Variants in FYCO1 observed in about 807,000 individuals in gnomAD.
FYCO1 encodes FYVE and coiled-coil domain-containing protein 1.
A neutral mutation model predicts 165.1 loss-of-function variants in FYCO1; 122 were observed. The observed-to-expected ratio is 0.74, with a 90% confidence interval of 0.64 to 0.86. The LOEUF (loss-of-function observed/expected upper bound fraction) is 0.86, where lower values mean the gene tolerates loss of function less well. FYCO1 is among the 40% of genes least tolerant of loss of function. FYCO1 has a pLI of 0.00. For missense variants in FYCO1, 1,702 were observed against 1,810.3 expected (o/e 0.94, Z 1.09); for synonymous variants, 648 against 742.5 (o/e 0.87, Z 2.07).
intron 14 of FYCO1, among the ~76,000 whole-genome samples, chr3:45,952,552 A>G (rs1280349286): frequency 6.6e-6 from 1 of 152,208 alleles, no homozygotes. Flanking sequence ...GGTTCCTATC[A>G]GTTAGTCCCA....
intron 14 of FYCO1, among the ~76,000 whole-genome samples, chr3:45,941,962 G>T (rs1434875664): frequency 6.6e-6 from 1 of 152,208 alleles, no homozygotes; most frequent in East Asian, 1.9e-4. Flanking sequence ...TGCATATTTG[G>T]CTCAGTCTGT....
intron 7 of FYCO1, 66 bp downstream of exon 7, chr3:45,969,609 G>T: frequency 7.8e-7 from 1 of 1,281,774 alleles, no homozygotes; most frequent in Non-Finnish European, 1.1e-6. Context: ...CCCTTGAGTT[G>T]CTAGGGGCAA....
chr3:45,925,809 A>T (rs943410383), intron 16 of FYCO1, among the ~76,000 whole-genome samples: 27 of 152,262 alleles, frequency 1.8e-4, no homozygotes, highest in African/African-American at 5.8e-4. Flanking sequence ...GCCAGGGGAA[A>T]CTTCTTGGAA....
chr3:45,946,507 A>T (rs147079093), intron 14 of FYCO1: 1 of 1,614,050 alleles, frequency 6.2e-7, no homozygotes. Context: ...TACCATGAAG[A>T]CTATGGGTTC....
In FYCO1 at chr3:45,947,270, G is replaced by A. The variant is rs1241417441; in HGVS notation, c.3944+7979C>T. 13 of 1,613,948 alleles carry A rather than the reference G, an allele frequency of 8.1e-6. No homozygotes were observed. In the Admixed American group the frequency reaches 1.8e-4, roughly 23 times the overall value. ...GCACACACTGGGAATACTATGCCAT[G>A]ACCAGCTTTCACTACACCATCATGG... On this transcript the variant is annotated intron_variant, in intron 14 of 17. Transcript: ENST00000296137.
chr3:45,939,370 A>T (rs1480808703), intron 14 of FYCO1, among the ~76,000 whole-genome samples: 1 of 152,208 alleles, frequency 6.6e-6, no homozygotes, highest in African/African-American at 2.4e-5. Flanking sequence ...AGTGGTGAGC[A>T]CAAATCAGGC....
intron 14 of FYCO1, 133 bp from the exon 15 acceptor site, chr3:45,936,676 TGA>T (rs1703910285): frequency 1.1e-5 from 8 of 724,954 alleles, no homozygotes; most frequent in Non-Finnish European, 2.0e-5. Context: ...ATAGAGGCCA[TGA>T]CAGAGACCCT....
chr3:45,988,064 A>G (rs1707389825), intron 1 of FYCO1, among the ~76,000 whole-genome samples: 1 of 152,156 alleles, frequency 6.6e-6, no homozygotes, highest in African/African-American at 2.4e-5. Flanking sequence ...CCAGCCACTC[A>G]TTACACAAGC....
At chr3:45,950,862 A>T (rs1704969537) in intron 14 of FYCO1, among the ~76,000 whole-genome samples, 1 of 151,934 alleles carries the variant, frequency 6.6e-6, no homozygotes, top group South Asian at 2.1e-4. Flanking sequence ...TCTTGGGTCA[A>T]CCCACGCGCA....
chr3:45,926,660 T>C (rs1411647082), intron 16 of FYCO1, among the ~76,000 whole-genome samples: 1 of 152,158 alleles, frequency 6.6e-6, no homozygotes, highest in Non-Finnish European at 1.5e-5. Context: ...TTGACCTAAT[T>C]GGCATCTATA....
In FYCO1 at chr3:45,967,028, G is replaced by A. The variant is rs768049291; in HGVS notation, c.2306C>T (p.Ala769Val). Reference protein sequence around the residue: ...PTDNEARELAAQLALSQAQLE... With the variant: ...PTDNEARELAVQLALSQAQLE... Reference sequence around the variant, plus strand: ...CTGCGCCTGAGACAGGGCTAGCTGGGCAGCCAGCTCACGGGCTTCATTGTC... The same window carrying A: ...CTGCGCCTGAGACAGGGCTAGCTGGACAGCCAGCTCACGGGCTTCATTGTC... The change falls in exon 8 of 18, where the codon GCC becomes GTC. Residue 769 changes from alanine to valine, a missense_variant. By Grantham distance (64) the Ala-to-Val change is moderately conservative. Transcript: ENST00000296137. The A allele has an allele frequency of 6.2e-7, 1 of 1,612,660 alleles. No homozygotes were observed. The highest frequency in any genetic ancestry group is 2.2e-5 in the East Asian group (1 of 44,884).
intron 14 of FYCO1, among the ~76,000 whole-genome samples, chr3:45,941,600 G>T (rs147467215): frequency 6.6e-6 from 1 of 152,342 alleles, no homozygotes; most frequent in East Asian, 1.9e-4. Context: ...AAATTTAGGT[G>T]AAAGTCTTTT....
intron 5 of FYCO1, among the ~76,000 whole-genome samples, chr3:45,974,328 G>A (rs906175770): frequency 2.7e-4 from 41 of 152,072 alleles, no homozygotes; most frequent in Non-Finnish European, 5.9e-4. Context: ...TGCTATGATC[G>A]TGCCACTGCA....
At chr3:45,963,821 A>G (rs1034871523) in intron 10 of FYCO1, among the ~76,000 whole-genome samples, 36 of 152,228 alleles carry the variant, frequency 2.4e-4, no homozygotes, top group Non-Finnish European at 2.9e-4. Context: ...TGCTATCCAC[A>G]GATATGGCAT....
Position 45,973,285 on chromosome 3 carries a change from T to G in FYCO1, c.396-54A>C, listed in dbSNP as rs1706547322. ...TAATAAAGATAAAGTATGAATTTACTCAGTCCTCCCACTGTGGCTCTGCCT... is the reference window on the plus strand; with the variant it reads ...TAATAAAGATAAAGTATGAATTTACGCAGTCCTCCCACTGTGGCTCTGCCT... On this transcript the variant is annotated intron_variant, in intron 5 of 17. Coordinates refer to ENST00000296137, the MANE Select transcript of FYCO1 (RefSeq NM_024513.4). The G allele has an allele frequency of 1.9e-6, 3 of 1,577,374 alleles. No homozygotes were observed. In the East Asian group the frequency reaches 6.7e-5, roughly 35 times the overall value.
At chr3:45,955,177 A>C in intron 14 of FYCO1, 72 bp downstream of exon 14, 1 of 1,550,036 alleles carries the variant, frequency 6.5e-7, no homozygotes, top group Non-Finnish European at 8.9e-7. Flanking sequence ...CACTTTCCTC[A>C]TCCTTTGATA....
At chr3:45,969,161 C>T (rs1333095539) in intron 7 of FYCO1, among the ~76,000 whole-genome samples, 1 of 152,160 alleles carries the variant, frequency 6.6e-6, no homozygotes, top group Non-Finnish European at 1.5e-5. Flanking sequence ...TATTCAGTTT[C>T]CACAGAACTA....
chr3:45,994,626 G>C (rs1707708027), intron 1 of FYCO1, among the ~76,000 whole-genome samples: 1 of 152,238 alleles, frequency 6.6e-6, no homozygotes, highest in African/African-American at 2.4e-5. Flanking sequence ...GAAAACCTTG[G>C]CATGATAGCT....
In FYCO1 at chr3:45,921,773, A is replaced by T. The variant is rs1703103303; in HGVS notation, c.4429T>A (p.Phe1477Ile). The change falls in exon 18 of 18, where the codon TTC becomes ATC. Residue 1477 changes from phenylalanine to isoleucine, a missense_variant. Coordinates refer to ENST00000296137, the MANE Select transcript of FYCO1 (RefSeq NM_024513.4). Reference protein sequence around the residue: ...DRPVIYDGSDFL With the variant: ...DRPVIYDGSDIL ...TTACTGAGGTGCTGAAGCTACAGGA[A>T]ATCACTTCCATCGTAGATCACAGGC... 5.6e-6 allele frequency: 9 copies of T among 1,606,350 alleles called. No individual in the cohort carries two copies. The highest frequency in any genetic ancestry group is 7.7e-6 in the Non-Finnish European group (9 of 1,172,908).
Sources: allele counts gnomAD v4.1 joint callset (sites outside exome capture counted in the v4.1 genomes callset), GRCh38; gene constraint gnomAD v4.1.1; transcripts MANE v1.5; gene names NCBI Gene and HGNC (gene_info 2026-07-23, HGNC 2026-07-21).